IGF2BP1: variants seen among roughly 807,000 people sequenced by gnomAD.
The protein encoded by IGF2BP1 is insulin-like growth factor 2 mRNA-binding protein 1.
Under a neutral mutation model 74.9 loss-of-function variants are expected in IGF2BP1, and 11 were observed. The ratio of observed to expected loss-of-function variants is 0.15; its 90% CI spans 0.09 to 0.24. The LOEUF is 0.24. Ranked by LOEUF, IGF2BP1 falls within the 10% of genes least tolerant of loss-of-function variation. The pLI, the probability that IGF2BP1 is intolerant of heterozygous loss-of-function variation, is 1.00. For synonymous variants in IGF2BP1, 287 were observed against 281.8 expected (o/e 1.02, Z -0.18); for missense variants, 440 against 757.4 (o/e 0.58, Z 4.92).
At chr17:48,997,033 C>T (rs1489006938), upstream of IGF2BP1, among the ~76,000 whole-genome samples, 4 of 152,162 alleles carry the variant, frequency 2.6e-5, no homozygotes, top group African/African-American at 9.7e-5. This position sits in a 1 kb window ranked among gnomAD's most constrained non-coding sequence, Gnocchi z 4.8. Flanking sequence ...TGAGCAACCC[C>T]GCCCCCCAAA....
At position 48,997,702 on chromosome 17, in the gene IGF2BP1, G is replaced by C. The variant is rs1169758683; in HGVS notation, c.-44G>C. ...GGAGGCTCGCCGCCCGCGCCCGCTC[G>C]TTCGGCCTTGCCCGGGACCGCGTCC... On this transcript the variant is annotated 5_prime_UTR_variant, in exon 1 of 15. Coordinates refer to ENST00000290341, the MANE Select transcript of IGF2BP1 (RefSeq NM_006546.4). The surrounding 1 kb of genome is among the most constrained non-coding windows in gnomAD (Gnocchi z 4.8). 4 of 1,589,992 alleles carry C rather than the reference G, an allele frequency of 2.5e-6. No homozygotes were observed. Among genetic ancestry groups the C allele is most frequent in the Non-Finnish European group, 3.4e-6 (4 of 1,166,972 alleles).
chr17:49,031,447 T>G (rs1310850970), intron 4 of IGF2BP1, among the ~76,000 whole-genome samples: 1 of 151,846 alleles, frequency 6.6e-6, no homozygotes, highest in Admixed American at 6.6e-5. Flanking sequence ...AGGGGAAAAG[T>G]TTTTTGCCTT....
Position 49,049,604 on chromosome 17 carries a change from A to G in IGF2BP1, c.*160A>G. The G allele has an allele frequency of 1.6e-6, 1 of 606,568 alleles. No individual in the cohort carries two copies. Among genetic ancestry groups the G allele is most frequent in the East Asian group, 2.9e-5 (1 of 34,348 alleles). The allele number at this position is 606,568 out of a possible 1,614,324, so 37.6% of individuals were successfully genotyped here. ...ATTGAGAAAGATGTTCCAGTGAGGA[A>G]CCCTGATCTCTCAGCCCCAAACACC... On this transcript the variant is annotated 3_prime_UTR_variant, in exon 15 of 15. Coordinates refer to ENST00000290341, the MANE Select transcript of IGF2BP1 (RefSeq NM_006546.4).
rs763677166 is a variant in IGF2BP1 at position 49,041,453 on chromosome 17, C to T, written c.894C>T (p.Asn298=). The T allele has an allele frequency of 1.9e-6, 3 of 1,614,052 alleles. No homozygotes were observed. In the South Asian group the frequency reaches 3.3e-5, roughly 18 times the overall value. The change falls in exon 8 of 15, where the codon AAC becomes AAT. Residue 298 remains asparagine (N), a synonymous_variant. Transcript: ENST00000290341. ...VGRLIGKEGR[N]LKKVEQDTET... ...GTCTCATTGGCAAGGAAGGACGGAA[C>T]CTGAAGAAGGTAGAGCAAGATACCG...
intron 12 of IGF2BP1, 22 bp downstream of exon 12, chr17:49,045,087 C>G (rs1162480248): frequency 1.2e-6 from 2 of 1,602,828 alleles, no homozygotes; most frequent in Non-Finnish European, 1.7e-6. Context: ...TATTGTTTTC[C>G]AAGCTGAACA....
upstream of IGF2BP1, among the ~76,000 whole-genome samples, chr17:48,996,979 G>A (rs1269578213): frequency 6.6e-6 from 1 of 152,124 alleles, no homozygotes; most frequent in East Asian, 1.9e-4. Flanking sequence ...GTCTGTCTCG[G>A]CCGTCCCCCG....
intron 14 of IGF2BP1, among the ~76,000 whole-genome samples, chr17:49,047,247 G>A (rs2042116743): frequency 6.6e-6 from 1 of 152,014 alleles, no homozygotes; most frequent in African/African-American, 2.4e-5. Context: ...TAGCCTTTCT[G>A]CTATGTGACC....
intron 2 of IGF2BP1, chr17:49,004,918 GAC>G (rs1598122325): frequency 1.3e-5 from 2 of 152,338 alleles, no homozygotes; most frequent in Admixed American, 1.3e-4. Context: ...GATACCACCT[GAC>G]ACACACCATC....
intron 2 of IGF2BP1, chr17:49,015,054 G>GA (rs2041678736): frequency 2.1e-6 from 1 of 483,554 alleles, no homozygotes; most frequent in South Asian, 8.6e-5. Flanking sequence ...GCCCAGGCTG[G>GA]AGTGCAGTGG....
upstream of IGF2BP1, among the ~76,000 whole-genome samples, chr17:48,996,801 A>T (rs28655677): frequency 0.42 from 63,539 of 151,974 alleles, 13,638 homozygotes; most frequent in Middle Eastern, 0.51. Context: ...CCGCGCTCGC[A>T]GGGTCCCCCG....
intron 2 of IGF2BP1, chr17:49,014,923 T>C: frequency 1.0e-6 from 1 of 985,268 alleles, no homozygotes; most frequent in Non-Finnish European, 1.2e-6. Flanking sequence ...CTGTTCCCTC[T>C]GGAGGACAGA....
Position 49,055,452 on chromosome 17 carries a change from T to G in IGF2BP1, c.*6008T>G. ...ACCCCTGTCCCCCCTCCCCTGCCAA[T>G]AAGCTCCCCCAGGAATAAAGGCTTT... On this transcript the variant is annotated 3_prime_UTR_variant, in exon 15 of 15. Coordinates refer to ENST00000290341, the MANE Select transcript of IGF2BP1 (RefSeq NM_006546.4). 2.9e-6 allele frequency: 1 copy of G among 343,492 alleles called. No individual in the cohort carries two copies. Among genetic ancestry groups the G allele is most frequent in the Non-Finnish European group, 5.2e-6 (1 of 191,450 alleles). 21.3% of individuals were successfully genotyped at this position (343,492 alleles called of 1,614,324 possible).
At chr17:49,027,580 C>T (rs1300147572) in intron 4 of IGF2BP1, among the ~76,000 whole-genome samples, 3 of 152,032 alleles carry the variant, frequency 2.0e-5, no homozygotes, top group South Asian at 2.1e-4. Context: ...CAGCCGGGCG[C>T]GGTGGCTCAC....
At chr17:49,046,069 C>G (rs200207777) in intron 13 of IGF2BP1, 48 bp downstream of exon 13, 93 of 1,600,910 alleles carry the variant, frequency 5.8e-5, no homozygotes, top group Admixed American at 1.2e-4. Flanking sequence ...GGTCTCCAAT[C>G]TCAGCAGCTC....
chr17:49,048,990 T>C (rs1019999250), intron 14 of IGF2BP1, among the ~76,000 whole-genome samples: 4 of 151,778 alleles, frequency 2.6e-5, no homozygotes, highest in African/African-American at 9.7e-5. Context: ...ATATGTAATA[T>C]ATTTCTGCCT....
At chr17:49,011,418 A>G (rs916786224) in intron 2 of IGF2BP1, among the ~76,000 whole-genome samples, 2 of 152,208 alleles carry the variant, frequency 1.3e-5, no homozygotes, top group African/African-American at 4.8e-5. Flanking sequence ...CTCAGCTCAC[A>G]CTGTTACTTC....
intron 2 of IGF2BP1, among the ~76,000 whole-genome samples, chr17:49,010,124 G>T (rs1423993451): frequency 1.3e-5 from 2 of 152,032 alleles, no homozygotes; most frequent in Admixed American, 1.3e-4. Context: ...TCACATTGTT[G>T]TGCAACCATC....
chr17:49,055,605 G>C lies in IGF2BP1; in HGVS notation c.*6161G>C, dbSNP rs767778347. 42 of 398,474 alleles carry C rather than the reference G, an allele frequency of 1.1e-4. No homozygotes were observed. Among genetic ancestry groups the C allele is most frequent in the Non-Finnish European group, 1.8e-4 (40 of 226,074 alleles). 24.7% of individuals were successfully genotyped at this position (398,474 alleles called of 1,614,324 possible). On this transcript the variant is annotated 3_prime_UTR_variant, in exon 15 of 15. Transcript: ENST00000290341. ...AAAAGCACGTTCAAAATGAATTTCA[G>C]CAGATTATGTGTTACCATAATGAAT...
intron 4 of IGF2BP1, among the ~76,000 whole-genome samples, chr17:49,031,283 T>C (rs1266769280): frequency 6.6e-6 from 1 of 151,846 alleles, no homozygotes. Context: ...AATTTTTGTG[T>C]TTTTTGTTAG....
Sources: allele counts gnomAD v4.1 joint callset (sites outside exome capture counted in the v4.1 genomes callset), GRCh38; gene constraint gnomAD v4.1.1; non-coding constraint Gnocchi (gnomAD v3.1); transcripts MANE v1.5; gene names NCBI Gene and HGNC (gene_info 2026-07-23, HGNC 2026-07-21).